The following PLD5 variants were observed in gnomAD, a reference collection of about 807,000 sequenced individuals.
PLD5 encodes the protein phospholipase D family member 5.
PLD5 carries 36 observed loss-of-function variants against 61.1 expected under a neutral mutation model. The ratio of observed to expected loss-of-function variants is 0.59; its 90% CI spans 0.45 to 0.78. The LOEUF (loss-of-function observed/expected upper bound fraction) is 0.78, where lower values mean the gene tolerates loss of function less well. PLD5 is among the 30% of genes least tolerant of loss of function. The probability of loss-of-function intolerance (pLI) is 0.00; values close to 1 mark genes in which losing one functional copy is unlikely to be tolerated. For missense variants in PLD5, 515 were observed against 644.4 expected (o/e 0.80, Z 2.17); for synonymous variants, 243 against 242.8 (o/e 1.00, Z -0.01).
At chr1:242,183,936 A>G (rs1257290205) in intron 5 of PLD5, among the ~76,000 whole-genome samples, 2 of 151,124 alleles carry the variant, frequency 1.3e-5, no homozygotes, top group Non-Finnish European at 2.9e-5. Context: ...GAAACACCTA[A>G]GTTTGATTGT....
chr1:242,407,726 G>A (rs781684865), intron 1 of PLD5, among the ~76,000 whole-genome samples: 25 of 151,778 alleles, frequency 1.6e-4, no homozygotes, highest in South Asian at 8.3e-4. Flanking sequence ...TTATAGGTGC[G>A]TGCCACCACA....
At chr1:242,164,415 AAT>A (rs1666147641) in intron 5 of PLD5, among the ~76,000 whole-genome samples, 1 of 151,672 alleles carries the variant, frequency 6.6e-6, no homozygotes, top group South Asian at 2.1e-4. Flanking sequence ...AAAAAAAAAA[AAT>A]CTCCAGTATT....
intron 7 of PLD5, among the ~76,000 whole-genome samples, chr1:242,111,770 G>A (rs1052101464): frequency 6.6e-6 from 1 of 150,744 alleles, no homozygotes; most frequent in Non-Finnish European, 1.5e-5. Context: ...ATGTCTCTTT[G>A]ATGACCTTTC....
At chr1:242,188,452 G>A (rs1250301180) in intron 5 of PLD5, among the ~76,000 whole-genome samples, 1 of 152,160 alleles carries the variant, frequency 6.6e-6, no homozygotes, top group Admixed American at 6.5e-5. Flanking sequence ...AGACATCATT[G>A]GCACAGAGAT....
rs565156980 is a variant in PLD5, at chr1:242,188,975, T to C, written c.735+31013A>G. 7.5e-4 allele frequency among the ~76,000 whole-genome samples: 114 copies of C among 152,258 alleles called. 1 individual carries two copies. Among genetic ancestry groups the C allele is most frequent in the African/African-American group, 2.7e-3 (111 of 41,494 alleles). On this transcript the variant is annotated intron_variant, in intron 5 of 9. Transcript: ENST00000536534. ...TCTTGGCTAGGGACCTAGAATTATA[T>C]GCTTTAAACAAACAAACAAACAAAA...
intron 5 of PLD5, among the ~76,000 whole-genome samples, chr1:242,187,686 T>G (rs1470600554): frequency 1.3e-5 from 2 of 152,194 alleles, no homozygotes; most frequent in East Asian, 3.8e-4. Context: ...CTTTCCTTTT[T>G]AGCCATTATA....
At chr1:242,267,057 C>T (rs1039789576) in intron 3 of PLD5, among the ~76,000 whole-genome samples, 6 of 151,132 alleles carry the variant, frequency 4.0e-5, no homozygotes, top group South Asian at 2.1e-4. Context: ...GTGGAGGTTA[C>T]AGTGAGCTGA....
intron 2 of PLD5, among the ~76,000 whole-genome samples, chr1:242,300,451 G>GAAGAAAGAAAGA (rs142382112): frequency 2.0e-5 from 3 of 149,732 alleles, no homozygotes; most frequent in African/African-American, 7.4e-5. Context: ...GGAGGAGGAA[G>GAAGAAAGAAAGA]AAGAAAGAAA....
chr1:242,101,143 G>A (rs1660654259), intron 8 of PLD5, among the ~76,000 whole-genome samples: 1 of 152,130 alleles, frequency 6.6e-6, no homozygotes, highest in Admixed American at 6.5e-5. Flanking sequence ...GCCAAGCATG[G>A]CAATGAACCG....
chr1:242,466,468 G>C (rs969264491), intron 1 of PLD5, among the ~76,000 whole-genome samples: 1 of 152,110 alleles, frequency 6.6e-6, no homozygotes, highest in Non-Finnish European at 1.5e-5. Flanking sequence ...ATACACAAAG[G>C]AATGCTATTC....
intron 4 of PLD5, among the ~76,000 whole-genome samples, chr1:242,241,520 G>A (rs7543340): frequency 1.3e-5 from 2 of 151,810 alleles, no homozygotes; most frequent in Non-Finnish European, 2.9e-5. Context: ...TCCTAGACTC[G>A]ACAGCATGGT....
chr1:242,265,241 A>G (rs1288233460), intron 4 of PLD5, 96 bp downstream of exon 4: 15 of 1,437,320 alleles, frequency 1.0e-5, no homozygotes, highest in Non-Finnish European at 1.3e-5. Context: ...AGTGAAATGT[A>G]CTAACCATAA....
At position 242,325,387 on chromosome 1, in the gene PLD5, A is replaced by T. The variant is rs1282905554; in HGVS notation, c.326+22719T>A. The stretch of plus-strand genomic sequence containing the variant: ...TATATATATATAGGGAGAGAGAGGG[A>T]GAGAGAGAGAGTGGGGGTTGTGGGG... On this transcript the variant is annotated intron_variant, in intron 2 of 9. Transcript: ENST00000536534. Among the ~76,000 whole-genome samples the T allele has an allele frequency of 2.3e-5, 3 of 128,886 alleles. No individual in the cohort carries two copies. The East Asian group carries it at 8.1e-4, about 35-fold the overall frequency. 84.6% of individuals were successfully genotyped at this position (128,886 alleles called of 152,430 possible). A position where few individuals can be genotyped will look rare whatever the true frequency, so the allele number is the denominator to read the frequency against.
chr1:242,207,991 T>TACACACACAC (rs34110062), intron 5 of PLD5, among the ~76,000 whole-genome samples: 905 of 40,256 alleles, frequency 0.022, 137 homozygotes, highest in Middle Eastern at 0.11. Flanking sequence ...TATATATTTA[T>TACACACACAC]ACACACACAC....
chr1:242,447,262 A>C (rs1325198502), intron 1 of PLD5, among the ~76,000 whole-genome samples: 2 of 152,208 alleles, frequency 1.3e-5, no homozygotes, highest in African/African-American at 2.4e-5. Flanking sequence ...GGGCTGGCTT[A>C]TTTGGTATAA....
At chr1:242,227,864 T>A (rs1007242863) in intron 4 of PLD5, among the ~76,000 whole-genome samples, 1 of 152,212 alleles carries the variant, frequency 6.6e-6, no homozygotes, top group South Asian at 2.1e-4. Context: ...TTAGAAACAA[T>A]TCACAGATAA....
chr1:242,495,231 C>T (rs926467586), intron 1 of PLD5, among the ~76,000 whole-genome samples: 5 of 152,170 alleles, frequency 3.3e-5, no homozygotes, highest in Non-Finnish European at 7.4e-5. Context: ...AACCAGTGCC[C>T]AGCTGGGAAC....
chr1:242,393,636 A>G lies in PLD5; in HGVS notation c.190-45394T>C, dbSNP rs574235653. Among the ~76,000 whole-genome samples, 4 of 102,810 alleles carry G rather than the reference A, an allele frequency of 3.9e-5. 1 individual carries two copies. The East Asian group carries it at 7.9e-4, about 20-fold the overall frequency. 67.4% of individuals were successfully genotyped at this position (102,810 alleles called of 152,430 possible). On this transcript the variant is annotated intron_variant, in intron 1 of 9. Transcript: ENST00000536534. ...TATGTGTATATATATGAGTATATAT[A>G]TGTGTATATATATGAGTATATATGT...
chr1:242,112,392 G>A (rs973166553), intron 7 of PLD5, among the ~76,000 whole-genome samples: 1 of 150,184 alleles, frequency 6.7e-6, no homozygotes, highest in Non-Finnish European at 1.5e-5. Flanking sequence ...GGAGTACAGT[G>A]GTGTGATCTT....
Sources: gnomAD v4.1 joint callset for allele counts (sites outside exome capture counted in the v4.1 genomes callset) on GRCh38, gnomAD v4.1.1 for gene constraint, MANE v1.5 for transcripts, NCBI Gene and HGNC (gene_info 2026-07-23, HGNC 2026-07-21) for gene names.